EGFR: variants seen among roughly 807,000 people sequenced by gnomAD.
The protein encoded by EGFR is avian erythroblastic leukemia viral (v-erb-b) oncogene homolog.
EGFR carries 58 observed loss-of-function variants against 143.0 expected under a neutral mutation model. That is an observed-to-expected ratio of 0.41 (90% CI 0.33 to 0.50). The LOEUF is 0.50. Among genes scored for constraint, EGFR ranks in the 20% least tolerant of loss-of-function variants. The probability of loss-of-function intolerance (pLI) is 0.39; values close to 1 mark genes in which losing one functional copy is unlikely to be tolerated. For missense variants in EGFR, 1,307 were observed against 1,579.0 expected (o/e 0.83, Z 2.92); for synonymous variants, 613 against 594.4 (o/e 1.03, Z -0.45).
intron 1 of EGFR, among the ~76,000 whole-genome samples, chr7:55,051,887 C>A (rs773852918): frequency 2.6e-5 from 4 of 152,218 alleles, no homozygotes; most frequent in African/African-American, 4.8e-5. Context: ...AAACTCCCCC[C>A]ACAAATCTTT....
chr7:55,134,386 G>T (rs776820319), intron 1 of EGFR, among the ~76,000 whole-genome samples: 1 of 151,916 alleles, frequency 6.6e-6, no homozygotes, highest in Non-Finnish European at 1.5e-5. Context: ...CAGGATTCAG[G>T]ACACAGTGAG....
intron 1 of EGFR, among the ~76,000 whole-genome samples, chr7:55,049,588 C>G (rs1788367610): frequency 6.6e-6 from 1 of 152,088 alleles, no homozygotes; most frequent in Admixed American, 6.5e-5. Context: ...CTTCTCTCCT[C>G]CTCCTCCCAC....
chr7:55,073,073 C>T (rs1434309008), intron 1 of EGFR, among the ~76,000 whole-genome samples: 2 of 152,188 alleles, frequency 1.3e-5, no homozygotes, highest in Admixed American at 6.5e-5. Context: ...ACTACTTTGT[C>T]GTTTCTCTTC....
At chr7:55,133,741 G>A (rs1157589734) in intron 1 of EGFR, among the ~76,000 whole-genome samples, 6 of 152,196 alleles carry the variant, frequency 3.9e-5, no homozygotes, top group African/African-American at 9.6e-5. Context: ...TGCCGCCCTG[G>A]CTCTGCACTG....
Position 55,206,141 on chromosome 7 carries a change from C to G in EGFR, c.*524C>G. ...CTTCCACTGCAAAACACTAAAGATC[C>G]AAGAAGGCCTTCATGGCCCCAGCAG... On this transcript the variant is annotated 3_prime_UTR_variant, in exon 28 of 28. Coordinates refer to ENST00000275493, the MANE Select transcript of EGFR (RefSeq NM_005228.5). 3.4e-6 allele frequency: 1 copy of G among 292,654 alleles called. No individual in the cohort carries two copies. Among genetic ancestry groups the G allele is most frequent in the South Asian group, 7.3e-5 (1 of 13,656 alleles). The allele number at this position is 292,654 out of a possible 1,614,324, so 18.1% of individuals were successfully genotyped here.
At chr7:55,161,443 G>T (rs535570056) in intron 12 of EGFR, 56 bp from the exon 13 acceptor site, 1 of 1,582,474 alleles carries the variant, frequency 6.3e-7, no homozygotes, top group Non-Finnish European at 8.6e-7. Context: ...CGTCTCCTCC[G>T]GCCCCTCGGG....
chr7:55,200,081 A>G (rs980809921), intron 23 of EGFR, among the ~76,000 whole-genome samples: 1 of 152,220 alleles, frequency 6.6e-6, no homozygotes, highest in Admixed American at 6.5e-5. Context: ...GAGTGGGCGT[A>G]GAAAAACTAG....
At chr7:55,136,925 G>A (rs568709574) in intron 1 of EGFR, among the ~76,000 whole-genome samples, 4 of 152,224 alleles carry the variant, frequency 2.6e-5, no homozygotes, top group African/African-American at 9.6e-5. Flanking sequence ...ATTTAGGGTG[G>A]GTTTATCAGG....
In EGFR at chr7:55,133,554, A is replaced by G. The variant is rs1016828650; in HGVS notation, c.89-8732A>G. 1.6e-3 allele frequency among the ~76,000 whole-genome samples: 241 copies of G among 152,148 alleles called. 2 individuals are homozygous for G. Among genetic ancestry groups the G allele is most frequent in the Non-Finnish European group, 1.5e-4 (10 of 68,026 alleles). On this transcript the variant is annotated intron_variant, in intron 1 of 27. Coordinates refer to ENST00000275493, the MANE Select transcript of EGFR (RefSeq NM_005228.5). ...ATCTTTGATGCCAACCCCATTTAGG[A>G]ATTCTGTATCTCCCCCTACCTTCTA...
chr7:55,083,298 T>C (rs144700403), intron 1 of EGFR, among the ~76,000 whole-genome samples: 147 of 152,310 alleles, frequency 9.7e-4, no homozygotes, highest in Non-Finnish European at 1.8e-3. Flanking sequence ...AAGCATATGA[T>C]CTCCAGAATG....
intron 1 of EGFR, among the ~76,000 whole-genome samples, chr7:55,099,701 C>T (rs929485837): frequency 2.0e-5 from 3 of 152,140 alleles, no homozygotes; most frequent in African/African-American, 7.2e-5. Flanking sequence ...CAGGCAGACT[C>T]CTGGGACGGT....
intron 1 of EGFR, among the ~76,000 whole-genome samples, chr7:55,140,231 G>A (rs1459814713): frequency 6.6e-6 from 1 of 152,074 alleles, no homozygotes; most frequent in Non-Finnish European, 1.5e-5. Context: ...GTTCAGCTGA[G>A]AGAAACTTGC....
chr7:55,103,257 C>T (rs1791927043), intron 1 of EGFR, among the ~76,000 whole-genome samples: 1 of 152,170 alleles, frequency 6.6e-6, no homozygotes, highest in Admixed American at 6.5e-5. Flanking sequence ...GCAAGCCCTT[C>T]AGTGTGTGTC....
intron 20 of EGFR, among the ~76,000 whole-genome samples, chr7:55,191,313 G>A (rs1032523086): frequency 2.6e-5 from 4 of 152,030 alleles, no homozygotes; most frequent in Admixed American, 6.6e-5. Context: ...AACCCTGAAC[G>A]ACATTCCTTT....
chr7:55,023,882 T>C (rs548258761), intron 1 of EGFR, among the ~76,000 whole-genome samples: 1 of 152,278 alleles, frequency 6.6e-6, no homozygotes, highest in South Asian at 2.1e-4. Flanking sequence ...TTCTTTTTCG[T>C]TTTCCTCCTA....
At chr7:55,181,539 C>A (rs2128959029) in intron 20 of EGFR, 61 bp downstream of exon 20, 2 of 1,604,044 alleles carry the variant, frequency 1.2e-6, no homozygotes, top group South Asian at 2.2e-5. Flanking sequence ...CACATGCGGT[C>A]TGCGCTCCTG....
intron 13 of EGFR, among the ~76,000 whole-genome samples, chr7:55,163,402 G>T (rs1275720865): frequency 2.0e-5 from 3 of 151,968 alleles, no homozygotes; most frequent in African/African-American, 7.3e-5. Flanking sequence ...GCTTAATTTT[G>T]ATAACCATGA....
At chr7:55,155,734 C>T in intron 7 of EGFR, 96 bp from the exon 8 acceptor site, 2 of 909,100 alleles carry the variant, frequency 2.2e-6, no homozygotes, top group Non-Finnish European at 1.9e-6. Flanking sequence ...AGGATGGAGC[C>T]TTTCCATCAC....
intron 1 of EGFR, among the ~76,000 whole-genome samples, chr7:55,122,508 G>A (rs12673622): frequency 0.48 from 73,784 of 152,180 alleles, 18,649 homozygotes; most frequent in East Asian, 0.69. Context: ...CCATGGCTGC[G>A]CATTTCTGCC....
Sources: gnomAD v4.1 joint callset for allele counts (sites outside exome capture counted in the v4.1 genomes callset) on GRCh38, gnomAD v4.1.1 for gene constraint, MANE v1.5 for transcripts, NCBI Gene and HGNC (gene_info 2026-07-23, HGNC 2026-07-21) for gene names.